RBM20: variants seen among roughly 807,000 people sequenced by gnomAD.
RBM20 encodes the protein RNA binding motif protein 20.
In RBM20, 51 loss-of-function variants were observed where a neutral mutation model predicts 110.1. The observed-to-expected ratio is 0.46, with a 90% CI of 0.37 to 0.59. The LOEUF is 0.59. Ranked by LOEUF, RBM20 falls within the 20% of genes least tolerant of loss-of-function variation. The pLI, the probability that RBM20 is intolerant of heterozygous loss-of-function variation, is 0.00. For synonymous variants in RBM20, 589 were observed against 618.2 expected, an observed-to-expected ratio of 0.95 and a Z score of 0.70; for missense variants, 1,512 against 1,574.9, an observed-to-expected ratio of 0.96 and a Z score of 0.68.
At chr10:110,695,573 A>T (rs1392110275) in intron 1 of RBM20, among the ~76,000 whole-genome samples, 1 of 152,218 alleles carries the variant, frequency 6.6e-6, no homozygotes, top group Non-Finnish European at 1.5e-5. Context: ...CTTCTGGTTA[A>T]ACAAAGGAGG....
intron 12 of RBM20, chr10:110,827,754 C>A (rs1044418250): frequency 1.3e-5 from 2 of 152,180 alleles, no homozygotes; most frequent in Non-Finnish European, 2.9e-5. Flanking sequence ...TTATTATTCA[C>A]TCATGAAATA....
intron 1 of RBM20, among the ~76,000 whole-genome samples, chr10:110,718,274 A>G (rs575944090): frequency 2.8e-4 from 42 of 152,322 alleles, no homozygotes; most frequent in African/African-American, 9.9e-4. Flanking sequence ...AACACATTAC[A>G]TTTTATAAGC....
rs1844329199 is a variant in RBM20 at position 110,780,878 on chromosome 10, A to G, written c.269A>G (p.Gln90Arg). Residue 90 changes from glutamine to arginine, a missense_variant, in exon 2 of 14, where the codon CAG becomes CGG. By Grantham distance (43) the Gln-to-Arg change is conservative. Coordinates refer to ENST00000369519, the MANE Select transcript of RBM20 (RefSeq NM_001134363.3). ...CTGCTTCCTTCACCTGCCAGTCTCC[A>G]GCTGGCTCAACTGCAGGCCCAGCTC... The part of the protein sequence containing the change: ...NPLLPSPASL[Q>R]LAQLQAQLTL... 1.3e-6 allele frequency: 2 copies of G among 1,550,614 alleles called. No homozygotes were observed. The highest frequency in any genetic ancestry group is 1.7e-6 in the Non-Finnish European group (2 of 1,146,100).
chr10:110,818,308 C>CA lies in RBM20; in HGVS notation c.2551-1764_2551-1763insA, dbSNP rs1564663291. 3.3e-4 allele frequency among the ~76,000 whole-genome samples: 26 copies of CA among 79,788 alleles called. 1 individual carries two copies. The highest frequency in any genetic ancestry group is 6.8e-5 in the Non-Finnish European group (2 of 29,390). 52.3% of individuals were successfully genotyped at this position (79,788 alleles called of 152,430 possible). On this transcript the variant is annotated intron_variant, in intron 9 of 13. Transcript: ENST00000369519. Reference sequence around the variant, plus strand: ...CTCCATCTCAAAAAAAAAAAAAAAACCAAAACGACAATATGGTGAGGATGT... The same window carrying CA: ...CTCCATCTCAAAAAAAAAAAAAAAACACAAAACGACAATATGGTGAGGATGT...
chr10:110,803,581 G>A (rs117051399), intron 7 of RBM20, among the ~76,000 whole-genome samples: 2,652 of 152,156 alleles, frequency 0.017, 50 homozygotes, highest in Admixed American at 0.068. Context: ...TAGAAAGGGC[G>A]CAGAACACAT....
intron 11 of RBM20, 34 bp downstream of exon 11, chr10:110,821,969 G>C: frequency 6.5e-7 from 1 of 1,543,462 alleles, no homozygotes; most frequent in Non-Finnish European, 8.8e-7. Context: ...GGGTGGTCGG[G>C]TTGATTGGAC....
intron 1 of RBM20, among the ~76,000 whole-genome samples, chr10:110,709,358 G>C (rs1862887990): frequency 6.6e-6 from 1 of 152,126 alleles, no homozygotes; most frequent in African/African-American, 2.4e-5. Flanking sequence ...AACCCCGCAG[G>C]CATGCTGGGA....
At chr10:110,735,405 G>T (rs1239761316) in intron 1 of RBM20, among the ~76,000 whole-genome samples, 1 of 152,062 alleles carries the variant, frequency 6.6e-6, no homozygotes, top group Non-Finnish European at 1.5e-5. Flanking sequence ...ACTTAACTTC[G>T]TTTTGACAAT....
At chr10:110,703,784 A>G (rs963559239) in intron 1 of RBM20, among the ~76,000 whole-genome samples, 2 of 152,158 alleles carry the variant, frequency 1.3e-5, no homozygotes, top group African/African-American at 4.8e-5. Flanking sequence ...TCTGTTCTCC[A>G]TTTCTAAAAT....
intron 7 of RBM20, among the ~76,000 whole-genome samples, chr10:110,803,409 A>C (rs532396950): frequency 6.6e-6 from 1 of 152,316 alleles, no homozygotes; most frequent in East Asian, 1.9e-4. Context: ...CAGAGATAGT[A>C]TTCTAACAGA....
At chr10:110,831,689 A>C (rs911609807) in intron 13 of RBM20, among the ~76,000 whole-genome samples, 4 of 151,928 alleles carry the variant, frequency 2.6e-5, no homozygotes, top group Non-Finnish European at 4.4e-5. Context: ...AAAAAAAAAA[A>C]AACACTGCTT....
At chr10:110,672,636 G>A (rs1174060842) in intron 1 of RBM20, among the ~76,000 whole-genome samples, 1 of 152,266 alleles carries the variant, frequency 6.6e-6, no homozygotes, top group East Asian at 1.9e-4. Flanking sequence ...GATAGGGGAC[G>A]TTTCAGACCT....
At chr10:110,738,786 G>A (rs768675598) in intron 1 of RBM20, among the ~76,000 whole-genome samples, 19 of 152,202 alleles carry the variant, frequency 1.2e-4, no homozygotes, top group South Asian at 2.1e-4. Context: ...AGGTGCCAGA[G>A]CATGGAGGCG....
At chr10:110,680,266 G>C (rs763925683) in intron 1 of RBM20, among the ~76,000 whole-genome samples, 1 of 152,204 alleles carries the variant, frequency 6.6e-6, no homozygotes, top group Non-Finnish European at 1.5e-5. Context: ...CTTCGGAGCA[G>C]ATGGAGTCGA....
At position 110,821,922 on chromosome 10, in the gene RBM20, A is replaced by C. The variant is rs1844919464; in HGVS notation, c.3303A>C (p.Glu1101Asp). Residue 1101 changes from glutamate (E) to aspartate (D), a missense_variant, in exon 11 of 14, where the codon GAA becomes GAC. Physicochemically the swap from Glu to Asp is conservative, Grantham distance 45. This residue lies in a region of RBM20 where 358 missense variants were observed against 384.2 expected (regional missense o/e 0.93). Coordinates refer to ENST00000369519, the MANE Select transcript of RBM20 (RefSeq NM_001134363.3). The part of the protein sequence containing the change: ...ETDLQNQACQ[E>D]VLTPENSRYV... ...ACCTCCAAAACCAAGCTTGCCAAGA[A>C]GTGTTGACCCCGGGTAACTATCTCC... 6.4e-7 allele frequency: 1 copy of C among 1,551,636 alleles called. No individual in the cohort carries two copies. Among genetic ancestry groups the C allele is most frequent in the East Asian group, 2.4e-5 (1 of 40,914 alleles).
intron 1 of RBM20, among the ~76,000 whole-genome samples, chr10:110,755,398 T>C (rs1412887284): frequency 6.6e-6 from 1 of 152,216 alleles, no homozygotes; most frequent in African/African-American, 2.4e-5. Context: ...GGTAGGGATG[T>C]GCTATCATTC....
intron 1 of RBM20, among the ~76,000 whole-genome samples, chr10:110,704,225 G>A (rs1042864400): frequency 6.6e-6 from 1 of 152,212 alleles, no homozygotes; most frequent in Non-Finnish European, 1.5e-5. Flanking sequence ...TATCAATGGT[G>A]CATTATTTTT....
At chr10:110,758,869 A>C (rs1843956886) in intron 1 of RBM20, among the ~76,000 whole-genome samples, 2 of 152,210 alleles carry the variant, frequency 1.3e-5, no homozygotes, top group African/African-American at 4.8e-5. Context: ...AGGATATGTC[A>C]CCCTGTGGAT....
At chr10:110,779,610 G>T (rs538014333) in intron 1 of RBM20, among the ~76,000 whole-genome samples, 165 of 152,308 alleles carry the variant, frequency 1.1e-3, no homozygotes, top group African/African-American at 3.7e-3. Context: ...CATCCAAAGT[G>T]GGGGGACAGT....
Sources: gnomAD v4.1 joint callset for allele counts (sites outside exome capture counted in the v4.1 genomes callset) on GRCh38, gnomAD v4.1.1 for gene constraint, gnomAD v4.1.1 regional missense constraint, MANE v1.5 for transcripts, NCBI Gene and HGNC (gene_info 2026-07-23, HGNC 2026-07-21) for gene names.